Variants in INTS13 observed in about 807,000 individuals in gnomAD.
INTS13 encodes the protein asunder, spermatogenesis regulator homolog (Drosphila).
Under a neutral mutation model 90.2 loss-of-function variants are expected in INTS13, and 35 were observed. The observed-to-expected ratio is 0.39, with a 90% CI of 0.30 to 0.51. The LOEUF is 0.51. Ranked by LOEUF, INTS13 falls within the 20% of genes least tolerant of loss-of-function variation. The pLI, the probability that INTS13 is intolerant of heterozygous loss-of-function variation, is 0.80. For synonymous variants in INTS13, 309 were observed against 277.1 expected (o/e 1.11, Z -1.14); for missense variants, 601 against 851.2 (o/e 0.71, Z 3.66).
intron 15 of INTS13, among the ~76,000 whole-genome samples, chr12:26,906,668 C>T (rs1488242080): frequency 6.6e-6 from 1 of 152,128 alleles, no homozygotes; most frequent in Non-Finnish European, 1.5e-5. Flanking sequence ...GATGGAAGGA[C>T]TCAAATGACT....
At chr12:26,906,216 C>T (rs1488053) in intron 16 of INTS13, 86 bp downstream of exon 16, 801,279 of 1,281,870 alleles carry the variant, frequency 0.63, 253,416 homozygotes, top group East Asian at 0.94. Context: ...TAATAAAAAA[C>T]TGCTGATTAT....
At chr12:26,905,921 A>AT (rs1951594690) in intron 16 of INTS13, among the ~76,000 whole-genome samples, 1 of 152,234 alleles carries the variant, frequency 6.6e-6, no homozygotes, top group African/African-American at 2.4e-5. Context: ...CTTCTAAAAA[A>AT]ATCAAAATAA....
intron 8 of INTS13, among the ~76,000 whole-genome samples, chr12:26,918,216 A>G (rs1240449152): frequency 6.6e-6 from 1 of 152,160 alleles, no homozygotes; most frequent in African/African-American, 2.4e-5. Flanking sequence ...CTGTCTTCAC[A>G]ATTTTTCTGT....
chr12:26,925,707 G>T (rs925850958), intron 6 of INTS13, 54 bp downstream of exon 6: 2 of 1,354,384 alleles, frequency 1.5e-6, no homozygotes, highest in Non-Finnish European at 2.1e-6. Flanking sequence ...ACCCTTCTCA[G>T]TATTTATTAT....
At chr12:26,912,092 T>C (rs921487960) in intron 14 of INTS13, among the ~76,000 whole-genome samples, 1 of 152,202 alleles carries the variant, frequency 6.6e-6, no homozygotes, top group Non-Finnish European at 1.5e-5. Flanking sequence ...AGATGATGAG[T>C]AACTATCTGT....
chr12:26,923,853 CA>C (rs2063283030), intron 7 of INTS13, among the ~76,000 whole-genome samples: 1 of 151,974 alleles, frequency 6.6e-6, no homozygotes, highest in African/African-American at 2.4e-5. Context: ...CTAGAATACA[CA>C]AAGTAAGCAA....
chr12:26,935,319 A>G (rs1053966748), intron 2 of INTS13, among the ~76,000 whole-genome samples: 1 of 152,238 alleles, frequency 6.6e-6, no homozygotes, highest in African/African-American at 2.4e-5. Context: ...TCAAATGATG[A>G]TTCTGACCCA....
chr12:26,934,525 C>A (rs1013319216), intron 3 of INTS13, 31 bp downstream of exon 3: 8 of 1,481,398 alleles, frequency 5.4e-6, no homozygotes, highest in Non-Finnish European at 7.5e-6. Context: ...AGATAATTTA[C>A]AAATGGCCAC....
rs762965702 is a variant in INTS13, at chr12:26,924,412, AAT to A, written c.745_746del (p.Ile249PhefsTer7). 6.2e-7 allele frequency: 1 copy of A among 1,613,622 alleles called. No homozygotes were observed. Among genetic ancestry groups the A allele is most frequent in the Non-Finnish European group, 8.5e-7 (1 of 1,179,666 alleles). On this transcript the variant is annotated frameshift_variant, in exon 7 of 17. Coordinates refer to ENST00000261191, the MANE Select transcript of INTS13 (RefSeq NM_018164.3). LOFTEE classifies it high-confidence loss of function. ...AGRHLATKLN[I>X]LVQQHFDLAS... ...CCAAGTCAAAATGTTGCTGTACTAA[AAT>A]ATTCAATTTGGTAGCAAGATGCCGT...
chr12:26,934,232 T>C (rs1357389325), intron 3 of INTS13, among the ~76,000 whole-genome samples: 1 of 152,134 alleles, frequency 6.6e-6, no homozygotes, highest in Non-Finnish European at 1.5e-5. Context: ...GATGGCGCAA[T>C]GCACCCCAGT....
intron 3 of INTS13, among the ~76,000 whole-genome samples, chr12:26,931,847 G>A (rs1938210386): frequency 6.6e-6 from 1 of 152,210 alleles, no homozygotes. Flanking sequence ...AGCACTTTGG[G>A]TGGCTGAGGC....
intron 15 of INTS13, among the ~76,000 whole-genome samples, chr12:26,909,345 G>A (rs1951706782): frequency 6.6e-6 from 1 of 152,038 alleles, no homozygotes; most frequent in South Asian, 2.1e-4. Context: ...TGGGCAACAA[G>A]AGTGGACTCC....
chr12:26,919,988 C>A (rs752394264), intron 8 of INTS13, among the ~76,000 whole-genome samples: 4 of 152,070 alleles, frequency 2.6e-5, no homozygotes, highest in African/African-American at 4.8e-5. Context: ...ATTAGCCAGG[C>A]ATGGTGGTGG....
chr12:26,932,364 A>T (rs925045176), intron 3 of INTS13, among the ~76,000 whole-genome samples: 4 of 152,188 alleles, frequency 2.6e-5, no homozygotes, highest in African/African-American at 7.2e-5. Flanking sequence ...CACAGTGGGG[A>T]AAGGCAAGAT....
At chr12:26,932,445 C>G (rs1218101583) in intron 3 of INTS13, among the ~76,000 whole-genome samples, 1 of 152,130 alleles carries the variant, frequency 6.6e-6, no homozygotes, top group African/African-American at 2.4e-5. Flanking sequence ...TACACCCTAC[C>G]CGTGTAAGTG....
chr12:26,925,626 T>A (rs1592221472), intron 6 of INTS13, 135 bp downstream of exon 6: 1 of 693,734 alleles, frequency 1.4e-6, no homozygotes, highest in East Asian at 2.8e-5. Context: ...TGTCTTGACA[T>A]AGAGGTTTAC....
chr12:26,911,201 G>A lies in INTS13; in HGVS notation c.1922C>T (p.Thr641Ile). 1 of 1,613,560 alleles carries A rather than the reference G, an allele frequency of 6.2e-7. No homozygotes were observed. Among genetic ancestry groups the A allele is most frequent in the Non-Finnish European group, 8.5e-7 (1 of 1,179,818 alleles). ...NKKPLVEMDETPQVEKSKGPV... is the reference protein window; with the variant it reads ...NKKPLVEMDEIPQVEKSKGPV... ...ACCTTTTGATTTTTCCACTTGTGGA[G>A]TTTCATCCATTTCAACAAGGGGTTT... Residue 641 changes from threonine to isoleucine, a missense_variant, in exon 15 of 17, where the codon ACT becomes ATT. Thr to Ile is a moderately conservative substitution (Grantham distance 89). Coordinates refer to ENST00000261191, the MANE Select transcript of INTS13 (RefSeq NM_018164.3).
At chr12:26,917,560 A>C in intron 9 of INTS13, 84 bp downstream of exon 9, 1 of 1,379,246 alleles carries the variant, frequency 7.3e-7, no homozygotes, top group Non-Finnish European at 1.0e-6. Flanking sequence ...AAAAACGAAA[A>C]TGCAAAACAG....
At chr12:26,918,660 C>A (rs1339726534) in intron 8 of INTS13, among the ~76,000 whole-genome samples, 1 of 152,140 alleles carries the variant, frequency 6.6e-6, no homozygotes, top group Non-Finnish European at 1.5e-5. Context: ...TTAGAAGAAA[C>A]ACAAACCAAG....
Sources: gnomAD v4.1 joint callset for allele counts (sites outside exome capture counted in the v4.1 genomes callset) on GRCh38, gnomAD v4.1.1 for gene constraint, MANE v1.5 for transcripts, NCBI Gene and HGNC (gene_info 2026-07-23, HGNC 2026-07-21) for gene names.